The following TENM1 variants were observed in gnomAD, a reference collection of about 807,000 sequenced individuals.
The protein encoded by TENM1 is teneurin transmembrane protein 1.
A neutral mutation model predicts 174.8 loss-of-function variants in TENM1; 35 were observed. The observed-to-expected ratio is 0.20, with a 90% confidence interval of 0.15 to 0.27. The LOEUF (loss-of-function observed/expected upper bound fraction) is 0.27. TENM1 is among the 10% of genes least tolerant of loss of function. The pLI is 1.00. For missense variants in TENM1, 1,633 were observed against 2,130.1 expected, an observed-to-expected ratio of 0.77 and a Z score of 4.59; for synonymous variants, 781 against 798.7, an observed-to-expected ratio of 0.98 and a Z score of 0.37.
At chrX:124,563,913 G>C (rs911370148) in intron 12 of TENM1, 141 bp from the exon 16 acceptor site, 1 of 400,320 alleles carries the variant, frequency 2.5e-6, no homozygotes, top group Non-Finnish European at 4.2e-6. Context: ...CTCAAAAGTT[G>C]GGTACATGGG....
At chrX:125,156,959 C>T in the TENM1 span, among the ~76,000 whole-genome samples, 1 of 112,483 alleles carries the variant, frequency 8.9e-6, no homozygotes, top group South Asian at 3.7e-4. Flanking sequence ...TATTATGTGC[C>T]AGGCACTGGC....
chrX:125,046,273 C>T, the TENM1 span, among the ~76,000 whole-genome samples: 1 of 112,006 alleles, frequency 8.9e-6, no homozygotes, highest in Non-Finnish European at 1.9e-5. Context: ...AAAAATATTT[C>T]CTTGACTTTA....
intron 1 of TENM1, among the ~76,000 whole-genome samples, chrX:124,919,329 A>T (rs759865623): frequency 2.7e-5 from 3 of 112,333 alleles, no homozygotes; most frequent in African/African-American, 9.7e-5. Flanking sequence ...ACTACAGGAT[A>T]AATAAATTAT....
chrX:124,966,263 G>A (rs2058724018), upstream of TENM1, among the ~76,000 whole-genome samples: 1 of 111,537 alleles, frequency 9.0e-6, no homozygotes. Flanking sequence ...TCTCTCCTTT[G>A]CTCAGAAGCA....
intron 20 of TENM1, among the ~76,000 whole-genome samples, chrX:124,494,016 G>A (rs753264971): frequency 1.3e-4 from 15 of 111,691 alleles, no homozygotes; most frequent in Non-Finnish European, 2.6e-4. Context: ...GGGACTAGAA[G>A]ATTTCCCCAG....
chrX:124,450,359 CAAAA>C (rs34309778), intron 23 of TENM1, among the ~76,000 whole-genome samples: 1 of 77,337 alleles, frequency 1.3e-5, no homozygotes, highest in Admixed American at 1.5e-4. Context: ...GACTCCGTCT[CAAAA>C]AAAAAAAAAA....
At chrX:124,850,784 C>A (rs1276428579) in intron 3 of TENM1, among the ~76,000 whole-genome samples, 1 of 110,494 alleles carries the variant, frequency 9.1e-6, no homozygotes, top group Non-Finnish European at 1.9e-5. Flanking sequence ...GAAAAAAAAA[C>A]AAGAATACTA....
intron 6 of TENM1, among the ~76,000 whole-genome samples, chrX:124,663,794 CAA>C (rs1411085824): frequency 2.0e-5 from 2 of 100,287 alleles, no homozygotes; most frequent in Non-Finnish European, 4.0e-5. Context: ...GAAAATGAAA[CAA>C]GAATGAAACA....
At chrX:124,768,836 A>G (rs2054588468) in intron 3 of TENM1, among the ~76,000 whole-genome samples, 1 of 112,627 alleles carries the variant, frequency 8.9e-6, no homozygotes. Flanking sequence ...CATATTCAGT[A>G]TTGAACACTC....
At chrX:124,592,397 G>GT (rs1350316486) in intron 11 of TENM1, among the ~76,000 whole-genome samples, 1 of 103,498 alleles carries the variant, frequency 9.7e-6, no homozygotes, top group Non-Finnish European at 2.0e-5. Flanking sequence ...TTGCCAGTAG[G>GT]TTTTTTCTTC....
At chrX:124,464,899 G>T (rs915766789) in intron 22 of TENM1, among the ~76,000 whole-genome samples, 1 of 111,776 alleles carries the variant, frequency 8.9e-6, no homozygotes, top group Admixed American at 9.5e-5. Flanking sequence ...TGTTCAAAGG[G>T]GGCTGGTGAC....
chrX:124,878,996 T>C (rs897739626), intron 3 of TENM1, among the ~76,000 whole-genome samples: 2 of 112,355 alleles, frequency 1.8e-5, no homozygotes, highest in East Asian at 2.8e-4. Context: ...AATGTTTTTA[T>C]TGAGAAATAA....
At chrX:124,878,775 T>C (rs2057252035) in intron 3 of TENM1, among the ~76,000 whole-genome samples, 1 of 111,422 alleles carries the variant, frequency 9.0e-6, no homozygotes, top group African/African-American at 3.3e-5. Flanking sequence ...CTGATTTAGA[T>C]GGGGCTAGTG....
At chrX:124,833,086 C>A in intron 3 of TENM1, among the ~76,000 whole-genome samples, 1 of 111,648 alleles carries the variant, frequency 9.0e-6, no homozygotes, top group Middle Eastern at 4.7e-3. Flanking sequence ...TGGAAATTAA[C>A]AAAAGCCAAC....
At chrX:125,072,675 T>C in the TENM1 span, among the ~76,000 whole-genome samples, 1 of 111,151 alleles carries the variant, frequency 9.0e-6, no homozygotes, top group Admixed American at 9.6e-5. Flanking sequence ...GTAACAAACC[T>C]GCACGTTGTG....
chrX:125,003,979 C>T, the TENM1 span, among the ~76,000 whole-genome samples: 4 of 111,654 alleles, frequency 3.6e-5, no homozygotes, highest in Admixed American at 1.9e-4. Context: ...AATCATCTAA[C>T]GATGGAGAAA....
chrX:124,963,714 T>C, exon 1 of TENM1: 1 of 1,211,704 alleles, frequency 8.3e-7, no homozygotes, highest in South Asian at 1.8e-5. Flanking sequence ...TGCTTGACTT[T>C]TGGTAGAGGC....
At chrX:125,089,454 C>A in the TENM1 span, among the ~76,000 whole-genome samples, 1 of 111,826 alleles carries the variant, frequency 8.9e-6, no homozygotes, top group African/African-American at 3.2e-5. Context: ...ATATCATCCC[C>A]TAAGGGTATA....
At chrX:125,104,206 A>C in the TENM1 span, among the ~76,000 whole-genome samples, 2 of 111,810 alleles carry the variant, frequency 1.8e-5, no homozygotes, top group African/African-American at 3.3e-5. Context: ...TTTAAGGGTC[A>C]GTGACATCCT....
Sources: gnomAD v4.1 joint callset for allele counts (sites outside exome capture counted in the v4.1 genomes callset) on GRCh38, gnomAD v4.1.1 for gene constraint, MANE v1.5 for transcripts, NCBI Gene and HGNC (gene_info 2026-07-23, HGNC 2026-07-21) for gene names.